CUBN: variants seen among roughly 807,000 people sequenced by gnomAD.
The protein encoded by CUBN is cubilin, also known as 460 kDa receptor.
A neutral mutation model predicts 405.3 loss-of-function variants in CUBN; 282 were observed. The ratio of observed to expected loss-of-function variants is 0.70; its 90% CI spans 0.63 to 0.77. The LOEUF (loss-of-function observed/expected upper bound fraction) is 0.77. Among genes scored for constraint, CUBN ranks in the 30% least tolerant of loss-of-function variants. CUBN has a pLI of 0.00. For synonymous variants in CUBN, 1,684 were observed against 1,617.0 expected (o/e 1.04, Z -0.99); for missense variants, 4,514 against 4,475.2 (o/e 1.01, Z -0.25).
intron 9 of CUBN, among the ~76,000 whole-genome samples, chr10:17,110,150 G>A (rs929409250): frequency 2.0e-5 from 3 of 152,092 alleles, no homozygotes; most frequent in African/African-American, 7.2e-5. Flanking sequence ...GAACTTCTTG[G>A]GTAGTAATTC....
chr10:16,830,850 C>T (rs535632237), intron 65 of CUBN, among the ~76,000 whole-genome samples: 1 of 152,172 alleles, frequency 6.6e-6, no homozygotes, highest in East Asian at 1.9e-4. Flanking sequence ...AATCCCAGCA[C>T]TTTGGGAGGT....
At chr10:16,843,640 T>C (rs905623572) in intron 60 of CUBN, among the ~76,000 whole-genome samples, 2 of 152,158 alleles carry the variant, frequency 1.3e-5, no homozygotes, top group African/African-American at 4.8e-5. Flanking sequence ...GTCTTTATGA[T>C]CACATTTATA....
chr10:17,047,885 A>T (rs1490480298), intron 22 of CUBN, among the ~76,000 whole-genome samples: 1 of 152,124 alleles, frequency 6.6e-6, no homozygotes, highest in Non-Finnish European at 1.5e-5. Flanking sequence ...TAATCCTTGC[A>T]AATTACCATA....
intron 17 of CUBN, among the ~76,000 whole-genome samples, chr10:17,077,458 G>A (rs181416413): frequency 2.1e-3 from 321 of 152,300 alleles, no homozygotes; most frequent in Middle Eastern, 0.01. Context: ...AAGTCCCAAA[G>A]CCATGTCTTA....
At chr10:16,946,160 T>G (rs1371413505) in intron 36 of CUBN, among the ~76,000 whole-genome samples, 1 of 152,206 alleles carries the variant, frequency 6.6e-6, no homozygotes, top group Non-Finnish European at 1.5e-5. Context: ...GGTAAATAAA[T>G]TTCAATTCAA....
chr10:17,126,108 T>C (rs1328031944), intron 4 of CUBN, among the ~76,000 whole-genome samples: 1 of 152,176 alleles, frequency 6.6e-6, no homozygotes, highest in Non-Finnish European at 1.5e-5. Context: ...TTTGCAGAAA[T>C]TCTTACACTG....
chr10:16,907,452 G>A, intron 49 of CUBN, 56 bp downstream of exon 49: 1 of 1,560,760 alleles, frequency 6.4e-7, no homozygotes, highest in Non-Finnish European at 8.8e-7. Flanking sequence ...CAGTAGATGG[G>A]GGCATCTGCA....
At chr10:17,066,206 G>C (rs956749837) in intron 21 of CUBN, among the ~76,000 whole-genome samples, 1 of 152,150 alleles carries the variant, frequency 6.6e-6, no homozygotes, top group Admixed American at 6.5e-5. Flanking sequence ...CTTATAAAGA[G>C]ATAAGAGTGA....
intron 29 of CUBN, among the ~76,000 whole-genome samples, chr10:16,989,580 T>TAC (rs2131713313): frequency 2.1e-5 from 1 of 46,702 alleles, no homozygotes; most frequent in Non-Finnish European, 1.0e-4. Flanking sequence ...ATATTTAAAA[T>TAC]ATATATATAT....
intron 56 of CUBN, among the ~76,000 whole-genome samples, chr10:16,881,210 T>A (rs1288895365): frequency 6.6e-6 from 1 of 152,194 alleles, no homozygotes; most frequent in Non-Finnish European, 1.5e-5. Flanking sequence ...GTCCCACATT[T>A]GATCAAATAG....
At chr10:16,890,235 C>T in intron 55 of CUBN, 136 bp downstream of exon 55, 1 of 802,484 alleles carries the variant, frequency 1.2e-6, no homozygotes, top group South Asian at 1.4e-5. Flanking sequence ...AAGGTGTCTT[C>T]TTGGGATTAG....
In CUBN at chr10:17,071,955, G is replaced by A. The variant is rs200658389; in HGVS notation, c.2318C>T (p.Thr773Ile). 1 of 1,612,578 alleles carries A rather than the reference G, an allele frequency of 6.2e-7. No homozygotes were observed. Among genetic ancestry groups the A allele is most frequent in the Admixed American group, 1.7e-5 (1 of 59,928 alleles). Residue 773 changes from threonine (T) to isoleucine (I), a missense_variant, in exon 18 of 67, where the codon ACC becomes ATC. Coordinates refer to ENST00000377833, the MANE Select transcript of CUBN (RefSeq NM_001081.4). ...QNYIEVRDGE[T>I]LLGKVCGNGT... is the part of the protein sequence containing the mutation. ...GTTGCCACAGACTTTTCCAAGTAAG[G>A]TTTCACCATCTCGAACCTAAAGAGA...
chr10:16,919,193 T>C (rs1278241059), intron 44 of CUBN, among the ~76,000 whole-genome samples: 3 of 152,234 alleles, frequency 2.0e-5, no homozygotes, highest in Non-Finnish European at 2.9e-5. Context: ...AGCTCTGTAA[T>C]TGGGACTAAT....
intron 27 of CUBN, among the ~76,000 whole-genome samples, chr10:17,026,640 AAAT>A (rs1403856272): frequency 2.9e-4 from 42 of 143,876 alleles, no homozygotes; most frequent in Middle Eastern, 7.2e-3. Flanking sequence ...TCAAAAAAAA[AAAT>A]AAATAAATAA....
In CUBN at chr10:17,100,098, G is replaced by A. The variant is rs1465839615; in HGVS notation, c.1672C>T (p.Leu558Phe). The part of the protein sequence containing the change: ...FCGSSLPHEL[L>F]SSDNALYFHL... ...AAATAGAGAGCATTGTCACTGCTGA[G>A]GAGTTCATGAGGGAGGCTGGAGCCA... Residue 558 changes from leucine (L) to phenylalanine (F), a missense_variant, in exon 14 of 67, where the codon CTC becomes TTC. By Grantham distance (22) the Leu-to-Phe change is conservative. This residue lies in a region of CUBN where 1,448 missense variants were observed against 1,388.0 expected (regional missense o/e 1.04). Transcript: ENST00000377833. The A allele has an allele frequency of 6.2e-7, 1 of 1,613,782 alleles. No individual in the cohort carries two copies. The highest frequency in any genetic ancestry group is 1.7e-5 in the Admixed American group (1 of 59,992).
intron 28 of CUBN, among the ~76,000 whole-genome samples, chr10:16,999,741 C>G (rs1304473007): frequency 6.6e-6 from 1 of 152,240 alleles, no homozygotes; most frequent in Non-Finnish European, 1.5e-5. Flanking sequence ...AACAGTCATA[C>G]TTCTATTTAG....
At position 16,834,867 on chromosome 10, in the gene CUBN, T is replaced by C. The variant is rs1251337563; in HGVS notation, c.10362+147A>G. 8 of 919,574 alleles carry C rather than the reference T, an allele frequency of 8.7e-6. No homozygotes were observed. In the African/African-American group the frequency reaches 9.9e-5, roughly 11 times the overall value. 57.0% of individuals were successfully genotyped at this position (919,574 alleles called of 1,614,324 possible). On this transcript the variant is annotated intron_variant, in intron 64 of 66. Transcript: ENST00000377833. Reference sequence around the variant, plus strand: ...GGTGTTTGGACTGGTGCTCTGTAGATGTTTAGGGAATGAAAGGGTAATGAA... The same window carrying C: ...GGTGTTTGGACTGGTGCTCTGTAGACGTTTAGGGAATGAAAGGGTAATGAA...
In CUBN at chr10:16,829,342, G is replaced by GAAAAAA. The variant is rs71287326; in HGVS notation, c.10529-308_10529-303dup. 3.0e-3 allele frequency among the ~76,000 whole-genome samples: 360 copies of GAAAAAA among 121,092 alleles called. 4 individuals carry two copies. Among genetic ancestry groups the GAAAAAA allele is most frequent in the African/African-American group, 0.01 (327 of 32,610 alleles). The allele number at this position is 121,092 out of a possible 152,430, so 79.4% of individuals were successfully genotyped here. A position where few individuals can be genotyped will look rare whatever the true frequency, so the allele number is the denominator to read the frequency against. On this transcript the variant is annotated intron_variant, in intron 65 of 66. Transcript: ENST00000377833. ...AAAATTGGGGGTTGAGAGCAGAATG[G>GAAAAAA]AAAAAAAAAAAAAAAACAAACTTGA...
At position 16,889,938 on chromosome 10, in the gene CUBN, A is replaced by AAAAAAAAAAAAAAAAAAAACAAAC. The variant is rs1554788545; in HGVS notation, c.8755+432_8755+433insGTTTGTTTTTTTTTTTTTTTTTTT. Reference sequence around the variant, plus strand: ...GCGACAGAGTGAGACGCCGTGTCAAAAAAAAAAAAAAAAAACAGGAAAGAC... The same window carrying AAAAAAAAAAAAAAAAAAAACAAAC: ...GCGACAGAGTGAGACGCCGTGTCAAAAAAAAAAAAAAAAAAAAAACAAACAAAAAAAAAAAAAAACAGGAAAGAC... On this transcript the variant is annotated intron_variant, in intron 55 of 66. Transcript: ENST00000377833. Among the ~76,000 whole-genome samples the AAAAAAAAAAAAAAAAAAAACAAAC allele has an allele frequency of 5.5e-3, 718 of 129,408 alleles. 50 individuals are homozygous for AAAAAAAAAAAAAAAAAAAACAAAC. The highest frequency in any genetic ancestry group is 0.02 in the African/African-American group (639 of 32,498). The allele number at this position is 129,408 out of a possible 152,430, so 84.9% of individuals were successfully genotyped here.
Sources: allele counts gnomAD v4.1 joint callset (sites outside exome capture counted in the v4.1 genomes callset), GRCh38; gene constraint gnomAD v4.1.1; regional missense constraint gnomAD v4.1.1; transcripts MANE v1.5; gene names NCBI Gene and HGNC (gene_info 2026-07-23, HGNC 2026-07-21).